Variants in CLIC4 observed in about 807,000 individuals in gnomAD.
CLIC4 encodes the protein chloride intracellular channel protein 4.
In CLIC4, 13 loss-of-function variants were observed where a neutral mutation model predicts 24.6. The observed-to-expected ratio is 0.53, with a 90% CI of 0.34 to 0.84. The LOEUF is 0.84. Among genes scored for constraint, CLIC4 ranks in the 40% least tolerant of loss-of-function variants. The probability of loss-of-function intolerance (pLI) is 0.01; values close to 1 mark genes in which losing one functional copy is unlikely to be tolerated. For missense variants in CLIC4, 227 were observed against 301.7 expected (o/e 0.75, Z 1.83); for synonymous variants, 104 against 111.3 (o/e 0.93, Z 0.41).
chr1:24,766,492 T>G (rs1638998006), intron 1 of CLIC4, among the ~76,000 whole-genome samples: 1 of 67,638 alleles, frequency 1.5e-5, no homozygotes, highest in Middle Eastern at 5.2e-3. Flanking sequence ...TTTTTTTTTT[T>G]TTTTTTTTTT....
At chr1:24,808,698 A>T (rs1170887168) in intron 2 of CLIC4, among the ~76,000 whole-genome samples, 13 of 142,206 alleles carry the variant, frequency 9.1e-5, no homozygotes, top group Non-Finnish European at 1.5e-4. Flanking sequence ...TTTTTTTGAG[A>T]TGGAGTCTCA....
chr1:24,842,827 C>G lies in CLIC4; in HGVS notation c.*1890C>G, dbSNP rs1213394840. ...AAAATGTCCCATCTGCACCAGTACA[C>G]AGGCAGGCATTATCATTCTTCACCT... On this transcript the variant is annotated 3_prime_UTR_variant, in exon 6 of 6. Transcript: ENST00000374379. 1 of 152,122 alleles carries G rather than the reference C, an allele frequency of 6.6e-6. No homozygotes were observed. Among genetic ancestry groups the G allele is most frequent in the Non-Finnish European group, 1.5e-5 (1 of 68,012 alleles). 9.4% of individuals were successfully genotyped at this position (152,122 alleles called of 1,614,324 possible).
At chr1:24,821,496 A>T (rs1018955233) in intron 3 of CLIC4, among the ~76,000 whole-genome samples, 1 of 151,956 alleles carries the variant, frequency 6.6e-6, no homozygotes, top group Admixed American at 6.6e-5. Flanking sequence ...TAGTGTGCCA[A>T]ATCCCCTGTA....
intron 1 of CLIC4, among the ~76,000 whole-genome samples, chr1:24,779,910 G>A (rs1639183135): frequency 6.6e-6 from 1 of 152,150 alleles, no homozygotes; most frequent in Non-Finnish European, 1.5e-5. Context: ...TGATGCCTCT[G>A]ATCTGTTTTC....
At chr1:24,810,722 A>G (rs1639604256) in intron 2 of CLIC4, among the ~76,000 whole-genome samples, 1 of 151,480 alleles carries the variant, frequency 6.6e-6, no homozygotes, top group Non-Finnish European at 1.5e-5. Context: ...GCAGGGAACC[A>G]TGATTGTGAC....
chr1:24,785,854 CAAAA>C (rs61009244), intron 1 of CLIC4, among the ~76,000 whole-genome samples: 1 of 58,866 alleles, frequency 1.7e-5, no homozygotes, highest in African/African-American at 8.0e-5. Flanking sequence ...GACTACAACT[CAAAA>C]AAAAAAAAAA....
At chr1:24,772,252 T>G (rs1028996206) in intron 1 of CLIC4, among the ~76,000 whole-genome samples, 3 of 152,132 alleles carry the variant, frequency 2.0e-5, no homozygotes, top group Non-Finnish European at 2.9e-5. Flanking sequence ...ATTCTTCTTC[T>G]TCTTTTTTTT....
intron 2 of CLIC4, among the ~76,000 whole-genome samples, chr1:24,811,822 A>G (rs1288901901): frequency 6.6e-6 from 1 of 152,142 alleles, no homozygotes; most frequent in Non-Finnish European, 1.5e-5. Context: ...CTTCTTTGGT[A>G]AGAATACTTC....
At chr1:24,760,737 CATT>C (rs1166044825) in intron 1 of CLIC4, among the ~76,000 whole-genome samples, 8 of 152,048 alleles carry the variant, frequency 5.3e-5, no homozygotes. Context: ...AAGTTCTTGT[CATT>C]ATGGCAGTCA....
At chr1:24,790,140 C>T (rs1639315991) in intron 1 of CLIC4, among the ~76,000 whole-genome samples, 1 of 152,254 alleles carries the variant, frequency 6.6e-6, no homozygotes, top group Non-Finnish European at 1.5e-5. Context: ...GGCGCGATCT[C>T]AGCTCACTAC....
intron 4 of CLIC4, among the ~76,000 whole-genome samples, chr1:24,839,009 G>T (rs1639913180): frequency 1.3e-5 from 2 of 152,118 alleles, no homozygotes; most frequent in African/African-American, 4.8e-5. Context: ...TGACCTTTGT[G>T]TTTTTTGTAT....
At chr1:24,817,430 A>G (rs535292993) in intron 3 of CLIC4, among the ~76,000 whole-genome samples, 3 of 152,336 alleles carry the variant, frequency 2.0e-5, no homozygotes, top group Non-Finnish European at 2.9e-5. Flanking sequence ...AACCTCTGCT[A>G]CCTTCAAACT....
chr1:24,746,003 C>T (rs1173058618), intron 1 of CLIC4, among the ~76,000 whole-genome samples: 1 of 150,900 alleles, frequency 6.6e-6, no homozygotes, highest in Non-Finnish European at 1.5e-5. Context: ...CGGGGCCCGG[C>T]CCCACCCGCT....
intron 2 of CLIC4, among the ~76,000 whole-genome samples, chr1:24,813,572 C>T (rs1421464602): frequency 6.6e-6 from 1 of 151,802 alleles, no homozygotes; most frequent in African/African-American, 2.4e-5. Context: ...GTGCGCACCA[C>T]CATGCCCAGC....
chr1:24,803,226 T>G (rs1299035730), intron 2 of CLIC4, among the ~76,000 whole-genome samples: 5 of 152,166 alleles, frequency 3.3e-5, no homozygotes, highest in South Asian at 2.1e-4. Context: ...TTAGAAATCT[T>G]GGGGGAGAAA....
At chr1:24,758,239 A>C (rs1224163292) in intron 1 of CLIC4, among the ~76,000 whole-genome samples, 1 of 152,148 alleles carries the variant, frequency 6.6e-6, no homozygotes, top group African/African-American at 2.4e-5. Context: ...ACAATAGAAA[A>C]GCATAAATAA....
chr1:24,757,586 A>G (rs965331916), intron 1 of CLIC4, among the ~76,000 whole-genome samples: 1 of 152,102 alleles, frequency 6.6e-6, no homozygotes, highest in Non-Finnish European at 1.5e-5. Flanking sequence ...CAAAAAAACT[A>G]AAGGTGAACC....
At chr1:24,817,600 A>G (rs894565370) in intron 3 of CLIC4, among the ~76,000 whole-genome samples, 1 of 152,162 alleles carries the variant, frequency 6.6e-6, no homozygotes, top group African/African-American at 2.4e-5. Context: ...GTTTTTCTCT[A>G]TCATTTGTGT....
intron 4 of CLIC4, among the ~76,000 whole-genome samples, chr1:24,838,998 C>A (rs1048746256): frequency 3.3e-5 from 5 of 152,274 alleles, no homozygotes; most frequent in African/African-American, 1.2e-4. Context: ...ACTCCTTAAT[C>A]TGACCTTTGT....
Sources: gnomAD v4.1 joint callset for allele counts (sites outside exome capture counted in the v4.1 genomes callset) on GRCh38, gnomAD v4.1.1 for gene constraint, MANE v1.5 for transcripts, NCBI Gene and HGNC (gene_info 2026-07-23, HGNC 2026-07-21) for gene names.